Variants in TENM3 observed in about 807,000 individuals in gnomAD.
TENM3 encodes teneurin-3.
TENM3 carries 63 observed loss-of-function variants against 255.1 expected under a neutral mutation model. That is an observed-to-expected ratio of 0.25 (90% CI 0.20 to 0.30). The LOEUF (loss-of-function observed/expected upper bound fraction) is 0.30, where lower values mean the gene tolerates loss of function less well. Among genes scored for constraint, TENM3 ranks in the 10% least tolerant of loss-of-function variants. The pLI, the probability that TENM3 is intolerant of heterozygous loss-of-function variation, is 1.00. For synonymous variants in TENM3, 1,306 were observed against 1,322.3 expected, an observed-to-expected ratio of 0.99 and a Z score of 0.27; for missense variants, 2,929 against 3,461.1, an observed-to-expected ratio of 0.85 and a Z score of 3.86.
At chr4:182,614,618 A>G (rs1205162554) in intron 4 of TENM3, among the ~76,000 whole-genome samples, 1 of 152,144 alleles carries the variant, frequency 6.6e-6, no homozygotes, top group Non-Finnish European at 1.5e-5. Context: ...TCAAGTATAA[A>G]TCTACTGCCA....
chr4:182,043,913 C>T, the TENM3 span, among the ~76,000 whole-genome samples: 1 of 152,158 alleles, frequency 6.6e-6, no homozygotes, highest in Admixed American at 6.5e-5. Context: ...CTCCCCTTGT[C>T]TTGTAAGTTC....
chr4:181,647,607 G>C, the TENM3 span, among the ~76,000 whole-genome samples: 5 of 152,154 alleles, frequency 3.3e-5, no homozygotes, highest in Non-Finnish European at 7.4e-5. Context: ...AAATAAAACA[G>C]TCCAGAAATG....
chr4:182,551,233 A>C lies in TENM3; in HGVS notation c.512-49691A>C, dbSNP rs1411874918. On this transcript the variant is annotated intron_variant, in intron 3 of 27. Coordinates refer to ENST00000511685, the MANE Select transcript of TENM3 (RefSeq NM_001080477.4). ...GAGACTCCATCTAAAAAAAAAAAAA[A>C]AAAAAAACCTTATATGTATAATTGT... 2.6e-5 allele frequency among the ~76,000 whole-genome samples: 4 copies of C among 151,996 alleles called. No individual in the cohort carries two copies. In the South Asian group the frequency reaches 6.2e-4, roughly 24 times the overall value.
chr4:181,472,781 G>A, the TENM3 span, among the ~76,000 whole-genome samples: 5 of 152,194 alleles, frequency 3.3e-5, no homozygotes, highest in Non-Finnish European at 5.9e-5. Flanking sequence ...CCAGCCTGCC[G>A]GGTTAAACCT....
chr4:181,458,107 G>A, the TENM3 span, among the ~76,000 whole-genome samples: 52 of 151,924 alleles, frequency 3.4e-4, 1 homozygote, highest in Admixed American at 3.4e-3. Flanking sequence ...GGTTTATAAA[G>A]GGAATAATAA....
At chr4:182,248,334 A>G (rs182786067) in intron 1 of TENM3, among the ~76,000 whole-genome samples, 3 of 152,330 alleles carry the variant, frequency 2.0e-5, no homozygotes, top group Admixed American at 1.3e-4. Context: ...TGTCAAAGAA[A>G]AAAAATGGAA....
intron 11 of TENM3, among the ~76,000 whole-genome samples, chr4:182,682,380 T>TA (rs777679506): frequency 3.1e-4 from 47 of 152,240 alleles, no homozygotes; most frequent in African/African-American, 9.4e-4. Context: ...AGGCTCAATT[T>TA]AAAAAAATCA....
intron 3 of TENM3, among the ~76,000 whole-genome samples, chr4:182,388,155 T>G (rs1473177606): frequency 6.6e-6 from 1 of 152,108 alleles, no homozygotes; most frequent in Non-Finnish European, 1.5e-5. Flanking sequence ...TGTAGCTGCC[T>G]CTTCCCCTTC....
At chr4:182,770,785 T>G (rs989856910) in intron 22 of TENM3, among the ~76,000 whole-genome samples, 1 of 152,172 alleles carries the variant, frequency 6.6e-6, no homozygotes, top group African/African-American at 2.4e-5. Context: ...TCCTCACGCT[T>G]TAGCTTGCAC....
At chr4:182,138,230 TGGTAC>T in the TENM3 span, among the ~76,000 whole-genome samples, 8 of 152,226 alleles carry the variant, frequency 5.3e-5, no homozygotes, top group Non-Finnish European at 1.0e-4. Context: ...TACAACATTA[TGGTAC>T]TTTATCACGA....
intron 1 of TENM3, among the ~76,000 whole-genome samples, chr4:182,232,105 T>A (rs1756619791): frequency 1.3e-5 from 2 of 152,144 alleles, no homozygotes; most frequent in Admixed American, 6.5e-5. Context: ...TGTTTTGAGG[T>A]CTTTGGAAAA....
chr4:182,407,075 G>A (rs952258111), intron 3 of TENM3, among the ~76,000 whole-genome samples: 1 of 152,160 alleles, frequency 6.6e-6, no homozygotes. Context: ...TGGTTCGACT[G>A]TAAAATAAAC....
At chr4:181,877,013 T>C in the TENM3 span, 2 of 152,142 alleles carry the variant, frequency 1.3e-5, no homozygotes, top group African/African-American at 2.4e-5. Flanking sequence ...AAGATATATA[T>C]ATATAACCAC....
At chr4:181,806,227 T>A in the TENM3 span, among the ~76,000 whole-genome samples, 1 of 152,238 alleles carries the variant, frequency 6.6e-6, no homozygotes, top group African/African-American at 2.4e-5. Flanking sequence ...TACCTGCTCA[T>A]GAATCCCATA....
chr4:182,680,393 G>A (rs770876976), intron 9 of TENM3, 44 bp downstream of exon 9: 7 of 1,400,976 alleles, frequency 5.0e-6, no homozygotes, highest in East Asian at 2.4e-5. Context: ...TAAATAAGCT[G>A]TAGAAACACA....
chr4:182,290,718 T>C (rs1253668866), intron 1 of TENM3, among the ~76,000 whole-genome samples: 2 of 151,958 alleles, frequency 1.3e-5, no homozygotes, highest in African/African-American at 4.8e-5. Context: ...TTAACCAGGA[T>C]GGTCTCGATC....
At chr4:182,586,762 C>T (rs572889562) in intron 3 of TENM3, among the ~76,000 whole-genome samples, 15 of 152,144 alleles carry the variant, frequency 9.9e-5, no homozygotes, top group African/African-American at 3.4e-4. Flanking sequence ...TGGAAGGACA[C>T]TTAAATGAAT....
chr4:181,734,652 C>T, the TENM3 span, among the ~76,000 whole-genome samples: 6 of 151,934 alleles, frequency 3.9e-5, no homozygotes, highest in Non-Finnish European at 4.4e-5. Context: ...TTTTCCAAAG[C>T]ACAGGAAAAA....
intron 1 of TENM3, among the ~76,000 whole-genome samples, chr4:182,230,846 A>ATATG (rs1382387398): frequency 8.6e-6 from 1 of 115,748 alleles, no homozygotes; most frequent in Non-Finnish European, 1.9e-5. Context: ...ATATATATAT[A>ATATG]TATATATATA....
Sources: gnomAD v4.1 joint callset for allele counts (sites outside exome capture counted in the v4.1 genomes callset) on GRCh38, gnomAD v4.1.1 for gene constraint, MANE v1.5 for transcripts, NCBI Gene and HGNC (gene_info 2026-07-23, HGNC 2026-07-21) for gene names.